Variants in SPAG16 observed in about 807,000 individuals in gnomAD.
SPAG16 encodes sperm associated antigen 16.
SPAG16 carries 86 observed loss-of-function variants against 80.4 expected under a neutral mutation model. That is an observed-to-expected ratio of 1.07 (90% confidence interval 0.90 to 1.28). The LOEUF (loss-of-function observed/expected upper bound fraction) is 1.28, where lower values mean the gene tolerates loss of function less well. SPAG16 is among the 50% of genes most tolerant of loss of function. The probability of loss-of-function intolerance (pLI) is 0.00; values close to 1 mark genes in which losing one functional copy is unlikely to be tolerated. For synonymous variants in SPAG16, 294 were observed against 265.9 expected, an observed-to-expected ratio of 1.11 and a Z score of -1.03; for missense variants, 870 against 765.3, an observed-to-expected ratio of 1.14 and a Z score of -1.61.
chr2:213,429,340 G>A (rs112836517), intron 9 of SPAG16, among the ~76,000 whole-genome samples: 4 of 151,966 alleles, frequency 2.6e-5, no homozygotes, highest in African/African-American at 9.7e-5. Flanking sequence ...GCCCTTTCCA[G>A]TTCCACCCAA....
chr2:213,624,045 C>T (rs996663126), intron 10 of SPAG16, among the ~76,000 whole-genome samples: 4 of 152,042 alleles, frequency 2.6e-5, no homozygotes, highest in African/African-American at 9.7e-5. Flanking sequence ...AACATATTTA[C>T]ACCAATTTAT....
chr2:214,200,052 A>G (rs1673646740), intron 15 of SPAG16, among the ~76,000 whole-genome samples: 1 of 152,118 alleles, frequency 6.6e-6, no homozygotes, highest in African/African-American at 2.4e-5. Context: ...GCAAACAGCA[A>G]CAGTTTGTCT....
chr2:213,940,573 G>A (rs1431274262), intron 12 of SPAG16, among the ~76,000 whole-genome samples: 1 of 152,098 alleles, frequency 6.6e-6, no homozygotes, highest in African/African-American at 2.4e-5. Flanking sequence ...AGAATTACAG[G>A]TATGAGCCAC....
chr2:213,575,623 A>T (rs533150466), intron 10 of SPAG16, among the ~76,000 whole-genome samples: 1 of 152,154 alleles, frequency 6.6e-6, no homozygotes, highest in Non-Finnish European at 1.5e-5. Flanking sequence ...TTATTGATCT[A>T]TGAAATGTCA....
Position 213,310,134 on chromosome 2 carries a change from A to C in SPAG16, c.355A>C (p.Lys119Gln), listed in dbSNP as rs1460150558. The change falls in exon 4 of 16, where the codon AAA becomes CAA. Residue 119 changes from lysine to glutamine, a missense_variant. By Grantham distance (53) the Lys-to-Gln change is moderately conservative. Transcript: ENST00000331683. ...AGACTTTCTCTGCAATTTCTTGATCAAAATGGGAATGACCAGAACTCTTGA... is the reference window on the plus strand; with the variant it reads ...AGACTTTCTCTGCAATTTCTTGATCCAAATGGGAATGACCAGAACTCTTGA... ...IEDFLCNFLIKMGMTRTLDCF... is the reference protein window; with the variant it reads ...IEDFLCNFLIQMGMTRTLDCF... 1 of 1,611,884 alleles carries C rather than the reference A, an allele frequency of 6.2e-7. No homozygotes were observed. The highest frequency in any genetic ancestry group is 1.7e-5 in the Admixed American group (1 of 59,850).
chr2:214,346,591 A>T (rs1264894982), intron 15 of SPAG16, among the ~76,000 whole-genome samples: 7 of 152,152 alleles, frequency 4.6e-5, no homozygotes, highest in Non-Finnish European at 1.0e-4. Flanking sequence ...TAGAAAACTG[A>T]GGAAATAACG....
At chr2:213,627,279 A>G (rs1031521692) in intron 10 of SPAG16, among the ~76,000 whole-genome samples, 6 of 152,218 alleles carry the variant, frequency 3.9e-5, no homozygotes, top group African/African-American at 1.4e-4. Context: ...ACAGTGGAGC[A>G]AAAGAGGCAA....
intron 11 of SPAG16, among the ~76,000 whole-genome samples, chr2:213,929,217 T>C (rs865897153): frequency 2.0e-5 from 3 of 152,066 alleles, no homozygotes; most frequent in Middle Eastern, 6.8e-3. Flanking sequence ...TTTCACCTTG[T>C]TGGCCAGGTT....
chr2:214,090,692 C>T (rs767223721), intron 13 of SPAG16, among the ~76,000 whole-genome samples: 1 of 151,966 alleles, frequency 6.6e-6, no homozygotes, highest in Non-Finnish European at 1.5e-5. Context: ...CTTACTAAAG[C>T]TTTGCATGAG....
In SPAG16 at chr2:213,435,187, A is replaced by G. The variant is rs369004014; in HGVS notation, c.943-54776A>G. Among the ~76,000 whole-genome samples the G allele has an allele frequency of 3.9e-5, 6 of 152,364 alleles. No homozygotes were observed. In the South Asian group the frequency reaches 1.0e-3, roughly 26 times the overall value. On this transcript the variant is annotated intron_variant, in intron 9 of 15. Transcript: ENST00000331683. The stretch of plus-strand genomic sequence containing the variant: ...GTCTCTTGTAGCAACATGGATATGT[A>G]ATACTGTATACTTATGATACCATAT...
chr2:213,698,694 CACCT>C (rs1271945936), intron 10 of SPAG16, among the ~76,000 whole-genome samples: 3 of 152,156 alleles, frequency 2.0e-5, no homozygotes, highest in Non-Finnish European at 4.4e-5. Flanking sequence ...CTGTTCTGTA[CACCT>C]TATTGTCATG....
intron 15 of SPAG16, among the ~76,000 whole-genome samples, chr2:214,291,598 C>T (rs1306739387): frequency 1.3e-5 from 2 of 152,152 alleles, no homozygotes. Context: ...AGCCACCGCG[C>T]CCGGCCTAGA....
chr2:214,133,129 T>TA (rs71037345), intron 14 of SPAG16, among the ~76,000 whole-genome samples: 99,120 of 139,680 alleles, frequency 0.71, 36,111 homozygotes, highest in Non-Finnish European at 0.78. Flanking sequence ...TAAATAATAA[T>TA]AAAAAAAAAA....
At chr2:213,387,429 C>CTTTTTTTTTTTTTTTTTTT (rs1491308938) in intron 9 of SPAG16, among the ~76,000 whole-genome samples, 3 of 71,760 alleles carry the variant, frequency 4.2e-5, no homozygotes, top group Non-Finnish European at 2.4e-5. Context: ...GAAATGCATG[C>CTTTTTTTTTTTTTTTTTTT]TCTTTTTTTT....
At chr2:213,573,192 G>A (rs187399787) in intron 10 of SPAG16, among the ~76,000 whole-genome samples, 3,143 of 151,622 alleles carry the variant, frequency 0.021, 49 homozygotes, top group Middle Eastern at 0.048. Flanking sequence ...AGAAATCACC[G>A]TCTTCTGCGT....
intron 5 of SPAG16, among the ~76,000 whole-genome samples, chr2:213,333,266 G>C (rs1029348497): frequency 2.0e-5 from 3 of 152,004 alleles, no homozygotes; most frequent in Middle Eastern, 3.4e-3. Context: ...CAATAGCCAT[G>C]GATAAAATTA....
intron 15 of SPAG16, among the ~76,000 whole-genome samples, chr2:214,325,601 G>A (rs1181421968): frequency 6.6e-6 from 1 of 151,964 alleles, no homozygotes; most frequent in Non-Finnish European, 1.5e-5. Flanking sequence ...AAATTATCTT[G>A]GGTCAAATCA....
At chr2:214,278,112 C>T (rs111313565) in intron 15 of SPAG16, among the ~76,000 whole-genome samples, 1,539 of 152,224 alleles carry the variant, frequency 0.01, 27 homozygotes, top group African/African-American at 0.035. Flanking sequence ...GGGCGTGGGA[C>T]CCACCGAGCC....
At chr2:214,291,093 C>G (rs528056646) in intron 15 of SPAG16, among the ~76,000 whole-genome samples, 1 of 152,086 alleles carries the variant, frequency 6.6e-6, no homozygotes, top group African/African-American at 2.4e-5. Flanking sequence ...CTTAAACAAT[C>G]TCTTTGTCAT....
Sources: allele counts gnomAD v4.1 joint callset (sites outside exome capture counted in the v4.1 genomes callset), GRCh38; gene constraint gnomAD v4.1.1; transcripts MANE v1.5; gene names NCBI Gene and HGNC (gene_info 2026-07-23, HGNC 2026-07-21).